Variants in EML2 observed in about 807,000 individuals in gnomAD.
EML2 encodes the protein echinoderm microtubule-associated protein-like 2.
Under a neutral mutation model 84.7 loss-of-function variants are expected in EML2, and 59 were observed. The observed-to-expected ratio is 0.70, with a 90% CI of 0.56 to 0.86. The LOEUF is 0.86. Among genes scored for constraint, EML2 ranks in the 40% least tolerant of loss-of-function variants. EML2 has a pLI of 0.00. For synonymous variants in EML2, 352 were observed against 348.9 expected, an observed-to-expected ratio of 1.01 and a Z score of -0.10; for missense variants, 818 against 855.6, an observed-to-expected ratio of 0.96 and a Z score of 0.55.
At chr19:45,619,780 T>G (rs1971484320) in intron 11 of EML2, among the ~76,000 whole-genome samples, 1 of 152,074 alleles carries the variant, frequency 6.6e-6, no homozygotes, top group Non-Finnish European at 1.5e-5. Context: ...GCTGGCCAGG[T>G]GCGGTGGCTC....
At chr19:45,626,976 T>TC (rs397945166) in intron 7 of EML2, 137 bp from the exon 8 acceptor site, 33 of 821,714 alleles carry the variant, frequency 4.0e-5, no homozygotes, top group Non-Finnish European at 5.3e-5. Flanking sequence ...TTTTTTTTTT[T>TC]CAGGGCAGAG....
At chr19:45,643,555 C>A (rs1414646113), upstream of EML2, 2 of 1,536,072 alleles carry the variant, frequency 1.3e-6, no homozygotes, top group South Asian at 1.2e-5. Flanking sequence ...CCCCTCTCCC[C>A]CTTTTCCCGC....
Position 45,609,536 on chromosome 19 carries a change from T to A in EML2, c.*127A>T. 1.9e-6 allele frequency: 2 copies of A among 1,030,834 alleles called. No individual in the cohort carries two copies. The highest frequency in any genetic ancestry group is 2.6e-6 in the Non-Finnish European group (2 of 773,070). 63.9% of individuals were successfully genotyped at this position (1,030,834 alleles called of 1,614,324 possible). On this transcript the variant is annotated 3_prime_UTR_variant, in exon 19 of 19. Transcript: ENST00000245925. ...ATAAATAGAGACTTCTGTATGTCAG[T>A]CTACCCTCCCGCCCCCATAACCCCC...
chr19:45,624,646 C>A (rs1297793255), intron 9 of EML2, 73 bp downstream of exon 9: 10 of 1,132,108 alleles, frequency 8.8e-6, no homozygotes, highest in Non-Finnish European at 1.3e-5. Flanking sequence ...AAGCAGAATT[C>A]CACGAAGGGA....
At chr19:45,641,931 T>C, upstream of EML2, 1 of 1,441,208 alleles carries the variant, frequency 6.9e-7, no homozygotes, top group South Asian at 1.5e-5. Flanking sequence ...CGCCCGGAGG[T>C]CGCCTCCTTC....
chr19:45,645,039 C>G, upstream of EML2: 1 of 595,628 alleles, frequency 1.7e-6, no homozygotes, highest in Non-Finnish European at 3.0e-6. Flanking sequence ...GCCCCCTTCT[C>G]TCCTCTCCGT....
At chr19:45,637,039 T>C (rs1336988263) in intron 3 of EML2, among the ~76,000 whole-genome samples, 2 of 152,284 alleles carry the variant, frequency 1.3e-5, no homozygotes, top group Non-Finnish European at 2.9e-5. Flanking sequence ...GTCCTCACTT[T>C]TGCAGTCTCA....
upstream of EML2, chr19:45,643,584 C>A (rs776554220): frequency 2.6e-6 from 4 of 1,536,160 alleles, no homozygotes; most frequent in Non-Finnish European, 3.5e-6. Flanking sequence ...CATACCCAGA[C>A]TCATTGCTGA....
intron 2 of EML2, 54 bp from the exon 3 acceptor site, chr19:45,638,688 C>T (rs1199643519): frequency 7.5e-6 from 12 of 1,593,734 alleles, no homozygotes; most frequent in Non-Finnish European, 1.0e-5. Context: ...TCCCTATTCC[C>T]TCTCCTCTTC....
intron 6 of EML2, 52 bp from the exon 7 acceptor site, chr19:45,630,098 TCCTC>T: frequency 7.3e-7 from 1 of 1,363,286 alleles, no homozygotes; most frequent in Non-Finnish European, 1.0e-6. Flanking sequence ...TCAGGGCCCA[TCCTC>T]CCCCCATGCC....
At chr19:45,633,294 G>A (rs932816048) in intron 4 of EML2, among the ~76,000 whole-genome samples, 155 bp from the exon 5 acceptor site, 49 of 152,140 alleles carry the variant, frequency 3.2e-4, no homozygotes, top group African/African-American at 1.1e-3. Flanking sequence ...CTCCGGGTGC[G>A]CTGGCGCTGG....
intron 7 of EML2, 85 bp from the exon 8 acceptor site, chr19:45,626,924 G>A (rs891351356): frequency 1.6e-5 from 22 of 1,357,966 alleles, no homozygotes; most frequent in African/African-American, 3.0e-5. Context: ...TGCCCTAAAC[G>A]GCTGTTTGTG....
upstream of EML2, chr19:45,641,604 A>C: frequency 6.5e-7 from 1 of 1,527,898 alleles, no homozygotes; most frequent in Non-Finnish European, 8.8e-7. Context: ...TTTCCTCCCT[A>C]TCTCTTTCTG....
At chr19:45,642,220 C>G (rs1482020732), upstream of EML2, 7 of 1,535,432 alleles carry the variant, frequency 4.6e-6, no homozygotes, top group South Asian at 3.6e-5. Flanking sequence ...TTCGCATGCC[C>G]GCAGGCGACG....
At chr19:45,644,342 C>T (rs578093914), upstream of EML2, among the ~76,000 whole-genome samples, 1 of 152,266 alleles carries the variant, frequency 6.6e-6, no homozygotes, top group South Asian at 2.1e-4. Flanking sequence ...CCATACTCAA[C>T]AGGAATGGCC....
chr19:45,611,474 A>G (rs1970487702), intron 18 of EML2, among the ~76,000 whole-genome samples: 1 of 127,432 alleles, frequency 7.8e-6, no homozygotes, highest in African/African-American at 3.6e-5. Context: ...GTGGATATGT[A>G]ACAATTCTTC....
chr19:45,621,536 C>G lies in EML2; in HGVS notation c.943G>C (p.Asp315His). The G allele has an allele frequency of 6.2e-7, 1 of 1,613,114 alleles. No homozygotes were observed. Among genetic ancestry groups the G allele is most frequent in the Non-Finnish European group, 8.5e-7 (1 of 1,179,994 alleles). Residue 315 changes from aspartate (D) to histidine (H), a missense_variant, in exon 10 of 19, where the codon GAT (aspartate) becomes CAT (histidine). Coordinates refer to ENST00000245925, the MANE Select transcript of EML2 (RefSeq NM_012155.4). ...DGTLVSGGGR[D>H]RRVVLWGSDY... Reference sequence around the variant, plus strand: ...GAACCCCAGAGGACCACCCGCCGATCACGGCCCCCTCCAGACACCAGCGTC... The same window carrying G: ...GAACCCCAGAGGACCACCCGCCGATGACGGCCCCCTCCAGACACCAGCGTC...
Position 45,621,586 on chromosome 19 carries a change from AAC to A in EML2, c.891_892del (p.Phe298TrpfsTer17). 1 of 1,611,760 alleles carries A rather than the reference AAC, an allele frequency of 6.2e-7. No homozygotes were observed. The highest frequency in any genetic ancestry group is 8.5e-7 in the Non-Finnish European group (1 of 1,179,838). The stretch of plus-strand genomic sequence containing the variant: ...CCCGTCCCGCAGGGCGCAGAGCCCA[AAC>A]ACGCCGCCGTCGTGGGCGCCCAGCA... On this transcript the variant is annotated frameshift_variant, in exon 10 of 19. Coordinates refer to ENST00000245925, the MANE Select transcript of EML2 (RefSeq NM_012155.4). LOFTEE classifies it high-confidence loss of function.
At position 45,621,600 on chromosome 19, in the gene EML2, G is replaced by A. The variant is rs748471017; in HGVS notation, c.879C>T (p.His293=). Residue 293 remains histidine (H), a synonymous_variant, in exon 10 of 19, where the codon CAC becomes CAT. Transcript: ENST00000245925. Reference sequence around the variant, plus strand: ...CGCAGAGCCCAAACACGCCGCCGTCGTGGGCGCCCAGCACCGCCTGTGTGA... The same window carrying A: ...CGCAGAGCCCAAACACGCCGCCGTCATGGGCGCCCAGCACCGCCTGTGTGA... ...NRITQAVLGA[H]DGGVFGLCAL... The A allele has an allele frequency of 8.1e-6, 13 of 1,610,512 alleles. No homozygotes were observed. The highest frequency in any genetic ancestry group is 3.3e-4 in the Middle Eastern group (2 of 6,060).
Sources: gnomAD v4.1 joint callset for allele counts (sites outside exome capture counted in the v4.1 genomes callset) on GRCh38, gnomAD v4.1.1 for gene constraint, MANE v1.5 for transcripts, NCBI Gene and HGNC (gene_info 2026-07-23, HGNC 2026-07-21) for gene names.